KCNH7: variants seen among roughly 807,000 people sequenced by gnomAD.
KCNH7 encodes voltage-gated inwardly rectifying potassium channel KCNH7.
In KCNH7, 49 loss-of-function variants were observed where a neutral mutation model predicts 120.8. The observed-to-expected ratio is 0.41, with a 90% CI of 0.32 to 0.51. The LOEUF is 0.51. KCNH7 is among the 20% of genes least tolerant of loss of function. The pLI, the probability that KCNH7 is intolerant of heterozygous loss-of-function variation, is 0.38. For synonymous variants in KCNH7, 547 were observed against 516.1 expected, an observed-to-expected ratio of 1.06 and a Z score of -0.81; for missense variants, 1,097 against 1,446.6, an observed-to-expected ratio of 0.76 and a Z score of 3.92.
At chr2:162,596,308 A>G (rs1694378416) in intron 2 of KCNH7, among the ~76,000 whole-genome samples, 1 of 152,054 alleles carries the variant, frequency 6.6e-6, no homozygotes, top group South Asian at 2.1e-4. Flanking sequence ...AAAACATATT[A>G]CCAAGTTATA....
chr2:162,473,911 G>A (rs906423705), intron 6 of KCNH7, among the ~76,000 whole-genome samples: 4 of 152,120 alleles, frequency 2.6e-5, no homozygotes, highest in African/African-American at 9.7e-5. Flanking sequence ...ATAAATGAAA[G>A]CTCTTCAGAT....
chr2:162,667,251 A>G (rs1469209713), intron 2 of KCNH7, among the ~76,000 whole-genome samples: 1 of 151,868 alleles, frequency 6.6e-6, no homozygotes, highest in African/African-American at 2.4e-5. Context: ...AAACTCCTGG[A>G]TTCCAGTGAT....
chr2:162,572,212 CAACCCCATCAA>C (rs1326716469), intron 2 of KCNH7, among the ~76,000 whole-genome samples: 1 of 152,050 alleles, frequency 6.6e-6, no homozygotes, highest in East Asian at 1.9e-4. Flanking sequence ...AAAAAATAAA[CAACCCCATCAA>C]AAAGTGGGTG....
intron 2 of KCNH7, among the ~76,000 whole-genome samples, chr2:162,714,907 G>A (rs1687057710): frequency 6.6e-6 from 1 of 152,036 alleles, no homozygotes; most frequent in South Asian, 2.1e-4. Context: ...GTAGCCCAGG[G>A]GCCAAACTTT....
intron 9 of KCNH7, among the ~76,000 whole-genome samples, chr2:162,419,863 A>T (rs769853917): frequency 6.6e-6 from 1 of 152,166 alleles, no homozygotes; most frequent in Admixed American, 6.6e-5. Flanking sequence ...GTTGTAACTA[A>T]AACAGTGTTA....
intron 6 of KCNH7, among the ~76,000 whole-genome samples, chr2:162,496,389 G>T (rs1558977503): frequency 6.6e-6 from 1 of 152,084 alleles, no homozygotes; most frequent in Non-Finnish European, 1.5e-5. Context: ...TGGACTAAGG[G>T]CCCGCATGCG....
At chr2:162,702,561 G>C (rs1025514726) in intron 2 of KCNH7, among the ~76,000 whole-genome samples, 1 of 152,080 alleles carries the variant, frequency 6.6e-6, no homozygotes, top group Admixed American at 6.5e-5. Context: ...ATGATATATT[G>C]TCTGTCAAAT....
At chr2:162,742,531 T>C (rs2105413032) in intron 2 of KCNH7, among the ~76,000 whole-genome samples, 1 of 152,220 alleles carries the variant, frequency 6.6e-6, no homozygotes, top group East Asian at 1.9e-4. Context: ...AATTGAATGC[T>C]TTATATTTTC....
At chr2:162,814,005 G>C (rs2105575170) in intron 2 of KCNH7, among the ~76,000 whole-genome samples, 1 of 152,262 alleles carries the variant, frequency 6.6e-6, no homozygotes, top group South Asian at 2.1e-4. Context: ...TTTTAATAAA[G>C]AATTTGAAAT....
At chr2:162,505,735 G>A (rs1048219455) in intron 5 of KCNH7, among the ~76,000 whole-genome samples, 13 of 151,882 alleles carry the variant, frequency 8.6e-5, no homozygotes, top group African/African-American at 3.1e-4. Flanking sequence ...CCAGGAAGTG[G>A]TTAAAACATA....
At chr2:162,597,728 G>A (rs191861393) in intron 2 of KCNH7, among the ~76,000 whole-genome samples, 2 of 152,176 alleles carry the variant, frequency 1.3e-5, no homozygotes, top group Admixed American at 1.3e-4. Flanking sequence ...TGAAAAGTAT[G>A]TAAGGTGATG....
At chr2:162,392,789 A>G (rs2105429612) in intron 12 of KCNH7, among the ~76,000 whole-genome samples, 2 of 151,976 alleles carry the variant, frequency 1.3e-5, no homozygotes, top group East Asian at 3.9e-4. Flanking sequence ...ATGAAATAAG[A>G]CTGAAGAGGT....
chr2:162,466,953 A>G (rs976356886), intron 6 of KCNH7, among the ~76,000 whole-genome samples: 1 of 152,218 alleles, frequency 6.6e-6, no homozygotes, highest in Non-Finnish European at 1.5e-5. Flanking sequence ...ACCTTTGCTT[A>G]TATCTGTTCT....
chr2:162,523,964 T>C (rs773539144), intron 3 of KCNH7, among the ~76,000 whole-genome samples: 15 of 151,854 alleles, frequency 9.9e-5, no homozygotes, highest in Non-Finnish European at 1.9e-4. Context: ...TCAAGCAAAT[T>C]AGACACCATG....
At chr2:162,680,243 A>G (rs966868461) in intron 2 of KCNH7, among the ~76,000 whole-genome samples, 2 of 151,668 alleles carry the variant, frequency 1.3e-5, no homozygotes, top group African/African-American at 4.8e-5. Flanking sequence ...CACCTGAGTC[A>G]AAGCAGTCTG....
At chr2:162,643,675 G>T (rs540622717) in intron 2 of KCNH7, among the ~76,000 whole-genome samples, 8 of 151,542 alleles carry the variant, frequency 5.3e-5, no homozygotes, top group African/African-American at 1.7e-4. Flanking sequence ...GCATGGCGGC[G>T]CACACCTGTA....
chr2:162,813,236 G>C (rs1390167938), intron 2 of KCNH7, among the ~76,000 whole-genome samples: 1 of 152,052 alleles, frequency 6.6e-6, no homozygotes, highest in East Asian at 1.9e-4. Context: ...GCAGGCCCAG[G>C]AATGGTCAAC....
At chr2:162,551,260 G>C (rs1485829071) in intron 2 of KCNH7, among the ~76,000 whole-genome samples, 1 of 152,046 alleles carries the variant, frequency 6.6e-6, no homozygotes, top group Non-Finnish European at 1.5e-5. Flanking sequence ...CATTCCAGGG[G>C]AACCCTCAAA....
intron 2 of KCNH7, among the ~76,000 whole-genome samples, chr2:162,760,677 G>A (rs1411081091): frequency 2.0e-5 from 3 of 152,002 alleles, no homozygotes; most frequent in Non-Finnish European, 4.4e-5. Flanking sequence ...TGAATCACTT[G>A]TCTTTAACCT....
Sources: gnomAD v4.1 joint callset for allele counts (sites outside exome capture counted in the v4.1 genomes callset) on GRCh38, gnomAD v4.1.1 for gene constraint, MANE v1.5 for transcripts, NCBI Gene and HGNC (gene_info 2026-07-23, HGNC 2026-07-21) for gene names.